The following NLRC3 variants were observed in gnomAD, a reference collection of about 807,000 sequenced individuals.
NLRC3 encodes NLR family CARD domain containing 3.
NLRC3 carries 87 observed loss-of-function variants against 91.6 expected under a neutral mutation model. That is an observed-to-expected ratio of 0.95 (90% CI 0.80 to 1.14). NLRC3 has a LOEUF of 1.14. NLRC3 is among the 50% of genes most tolerant of loss of function. The pLI, the probability that NLRC3 is intolerant of heterozygous loss-of-function variation, is 0.00. For missense variants in NLRC3, 1,577 were observed against 1,418.6 expected (o/e 1.11, Z -1.79); for synonymous variants, 694 against 625.3 (o/e 1.11, Z -1.64).
At chr16:3,569,494 G>A (rs2040021685) in intron 1 of NLRC3, among the ~76,000 whole-genome samples, 1 of 129,830 alleles carries the variant, frequency 7.7e-6, no homozygotes, top group African/African-American at 2.9e-5. Flanking sequence ...TACCTCCCAT[G>A]TTCAAGTGAT....
At chr16:3,571,544 TAAA>T (rs77866901) in intron 1 of NLRC3, among the ~76,000 whole-genome samples, 15 of 118,162 alleles carry the variant, frequency 1.3e-4, no homozygotes, top group Non-Finnish European at 1.4e-4. Flanking sequence ...ACCCTGGCTT[TAAA>T]AAAAAAAAAA....
At chr16:3,554,098 A>G (rs2039160905) in intron 9 of NLRC3, 144 bp downstream of exon 9, 1 of 613,428 alleles carries the variant, frequency 1.6e-6, no homozygotes, top group Non-Finnish European at 3.0e-6. Context: ...TCGAAAAGTA[A>G]TGGGCATCAG....
intron 1 of NLRC3, among the ~76,000 whole-genome samples, chr16:3,574,007 C>CT (rs35126359): frequency 0.042 from 1,679 of 40,454 alleles, 183 homozygotes; most frequent in East Asian, 0.077. Context: ...ACCATTTTAT[C>CT]TTTTTTTTTT....
At position 3,563,249 on chromosome 16, in the gene NLRC3, C is replaced by T. The variant is rs1442306535; in HGVS notation, c.1688G>A (p.Arg563Gln). ...CLRPDAAVCARAINVLHCLHE... is the reference protein window; with the variant it reads ...CLRPDAAVCAQAINVLHCLHE... The stretch of plus-strand genomic sequence containing the variant: ...CAGGCAGTGCAACACGTTGATGGCC[C>T]GTGCACAGACTGCGGCATCGGGGCG... Residue 563 changes from arginine to glutamine, a missense_variant, in exon 5 of 20, where the codon CGG becomes CAG. Coordinates refer to ENST00000359128, the MANE Select transcript of NLRC3 (RefSeq NM_178844.4). 3.7e-6 allele frequency: 6 copies of T among 1,606,034 alleles called. No homozygotes were observed. The highest frequency in any genetic ancestry group is 4.5e-5 in the East Asian group (2 of 44,690).
In NLRC3 at chr16:3,543,426, C is replaced by G. The variant is rs199475946; in HGVS notation, c.2938G>C (p.Asp980His). 5 of 1,606,990 alleles carry G rather than the reference C, an allele frequency of 3.1e-6. No homozygotes were observed. Among genetic ancestry groups the G allele is most frequent in the South Asian group, 1.1e-5 (1 of 90,310 alleles). Residue 980 changes from aspartate (D) to histidine (H), a missense_variant and splice_region_variant, in exon 17 of 20, where the codon GAC becomes CAC. Physicochemically the swap from Asp to His is moderately conservative, Grantham distance 81. Transcript: ENST00000359128. ...ATAGATGGAGACTGGAATACTTACT[C>G]GAGAATCTCCAAGGTTCTGTTCACA... ...LAVNRTLEIL[D>H]LRGNAIGVAG...
intron 6 of NLRC3, among the ~76,000 whole-genome samples, chr16:3,558,271 C>A (rs917453354): frequency 2.0e-5 from 3 of 152,096 alleles, no homozygotes; most frequent in Non-Finnish European, 4.4e-5. Flanking sequence ...GTTGAGGCTG[C>A]AATGAGCCAT....
At position 3,564,618 on chromosome 16, in the gene NLRC3, T is replaced by C; in HGVS notation, c.319A>G (p.Thr107Ala). The C allele has an allele frequency of 6.2e-7, 1 of 1,609,786 alleles. No individual in the cohort carries two copies. Among genetic ancestry groups the C allele is most frequent in the Non-Finnish European group, 8.5e-7 (1 of 1,179,700 alleles). Residue 107 changes from threonine to alanine, a missense_variant, in exon 5 of 20, where the codon ACA (threonine) becomes GCA (alanine). Transcript: ENST00000359128. This position sits in a 1 kb window ranked among gnomAD's most constrained non-coding sequence, Gnocchi z 5.9. ...CCCCCGCGGGTGGCCTCCACCTGTG[T>C]GAAGTCGTGTTCCCTCAGCTGCAGG... ...TDLQLREHDF[T>A]QVEATRGGGH...
At chr16:3,551,447 C>G (rs1043325706) in intron 10 of NLRC3, among the ~76,000 whole-genome samples, 2 of 151,460 alleles carry the variant, frequency 1.3e-5, no homozygotes, top group East Asian at 3.9e-4. Flanking sequence ...TTTATCTACT[C>G]TACTCATTCA....
At chr16:3,561,346 G>A (rs75205109) in intron 6 of NLRC3, among the ~76,000 whole-genome samples, 7,589 of 152,158 alleles carry the variant, frequency 0.05, 405 homozygotes, top group South Asian at 0.12. Context: ...GACTGTCTGG[G>A]GGGGATAATT....
intron 9 of NLRC3, 60 bp from the exon 10 acceptor site, chr16:3,552,339 G>A: frequency 8.1e-7 from 1 of 1,233,410 alleles, no homozygotes; most frequent in East Asian, 2.3e-5. Context: ...CCCAGGCCAA[G>A]GACGGTTCAG....
Position 3,575,345 on chromosome 16 carries a change from C to A in NLRC3, c.-169+1804G>T, listed in dbSNP as rs373672784. On this transcript the variant is annotated intron_variant, in intron 1 of 19. Coordinates refer to ENST00000359128, the MANE Select transcript of NLRC3 (RefSeq NM_178844.4). ...CTGGCAGGCTGGAGCCTTCCACAGA[C>A]CTCTCAGCCGAGTGAGGTCGCGAGG... Among the ~76,000 whole-genome samples the A allele has an allele frequency of 8.5e-5, 13 of 152,344 alleles. No individual in the cohort carries two copies. The East Asian group carries it at 2.1e-3, about 25-fold the overall frequency.
intron 11 of NLRC3, 44 bp from the exon 12 acceptor site, chr16:3,549,824 C>T: frequency 1.4e-6 from 2 of 1,418,004 alleles, no homozygotes; most frequent in Non-Finnish European, 9.7e-7. Flanking sequence ...TCCCAGGACC[C>T]AGAGGGAGCT....
intron 18 of NLRC3, 144 bp downstream of exon 18, chr16:3,542,548 G>A: frequency 3.1e-6 from 2 of 635,382 alleles, no homozygotes; most frequent in Non-Finnish European, 2.8e-6. Context: ...AGCTGCAGTG[G>A]AATGTGGACT....
rs1306381824 is a variant in NLRC3, at chr16:3,549,601, T to C, written c.2519+96A>G. The C allele has an allele frequency of 2.0e-5, 19 of 963,418 alleles. No homozygotes were observed. In the East Asian group the frequency reaches 5.0e-4, roughly 25 times the overall value. The allele number at this position is 963,418 out of a possible 1,614,324, so 59.7% of individuals were successfully genotyped here. A position where few individuals can be genotyped will look rare whatever the true frequency, so the allele number is the denominator to read the frequency against. On this transcript the variant is annotated intron_variant, in intron 12 of 19. Coordinates refer to ENST00000359128, the MANE Select transcript of NLRC3 (RefSeq NM_178844.4). ...GCTGCCAGGAAGGCTTCCCCAGCCA[T>C]AGATTTCCCTGAGACAGGCTTCCCA...
At chr16:3,544,781 C>G (rs1365371343) in intron 15 of NLRC3, 1 of 176,842 alleles carries the variant, frequency 5.7e-6, no homozygotes, top group Non-Finnish European at 1.2e-5. Context: ...AAGCGATCCT[C>G]CCACCTCAGC....
chr16:3,575,815 G>A (rs1387766587), intron 1 of NLRC3, among the ~76,000 whole-genome samples: 2 of 152,284 alleles, frequency 1.3e-5, no homozygotes, highest in Admixed American at 6.5e-5. Context: ...GCCCGGGTGG[G>A]ACTTCCCAGT....
At chr16:3,572,927 G>C (rs1349483122) in intron 1 of NLRC3, among the ~76,000 whole-genome samples, 1 of 149,686 alleles carries the variant, frequency 6.7e-6, no homozygotes, top group African/African-American at 2.5e-5. Flanking sequence ...GCAGGGAATT[G>C]CTTGAACCCA....
rs568678293 is a variant in NLRC3, at chr16:3,539,379, G to C, written c.*2446C>G. The C allele has an allele frequency of 1.3e-5, 2 of 152,466 alleles. No homozygotes were observed. The highest frequency in any genetic ancestry group is 6.5e-5 in the Admixed American group (1 of 15,296). 9.4% of individuals were successfully genotyped at this position (152,466 alleles called of 1,614,324 possible). On this transcript the variant is annotated 3_prime_UTR_variant, in exon 20 of 20. Transcript: ENST00000359128. Reference sequence around the variant, plus strand: ...TGTCTGTTTTGCTCTGATGGGGTCTGTGTGGGCTAGCTGGCTCTGGTGTGT... The same window carrying C: ...TGTCTGTTTTGCTCTGATGGGGTCTCTGTGGGCTAGCTGGCTCTGGTGTGT...
intron 15 of NLRC3, chr16:3,545,523 A>T (rs946529914): frequency 1.6e-4 from 25 of 152,084 alleles, no homozygotes; most frequent in Admixed American, 1.3e-3. Flanking sequence ...GAAAAAAAAA[A>T]TAAGAAAGAC....
Sources: allele counts gnomAD v4.1 joint callset (sites outside exome capture counted in the v4.1 genomes callset), GRCh38; gene constraint gnomAD v4.1.1; non-coding constraint Gnocchi (gnomAD v3.1); transcripts MANE v1.5; gene names NCBI Gene and HGNC (gene_info 2026-07-23, HGNC 2026-07-21).